KMT2E: variants seen among roughly 807,000 people sequenced by gnomAD.
The protein encoded by KMT2E is lysine methyltransferase 2E (inactive).
In KMT2E, 30 loss-of-function variants were observed where a neutral mutation model predicts 184.6. The ratio of observed to expected loss-of-function variants is 0.16; its 90% CI spans 0.12 to 0.22. The LOEUF is 0.22. KMT2E is among the 10% of genes least tolerant of loss of function. The pLI, the probability that KMT2E is intolerant of heterozygous loss-of-function variation, is 1.00. For synonymous variants in KMT2E, 815 were observed against 776.5 expected, an observed-to-expected ratio of 1.05 and a Z score of -0.82; for missense variants, 2,023 against 2,237.4, an observed-to-expected ratio of 0.90 and a Z score of 1.93.
At chr7:105,068,060 A>G (rs956474569) in intron 6 of KMT2E, among the ~76,000 whole-genome samples, 3 of 152,128 alleles carry the variant, frequency 2.0e-5, no homozygotes, top group Non-Finnish European at 4.4e-5. Context: ...ATTGGTTGAT[A>G]TTCATCTCTC....
intron 1 of KMT2E, among the ~76,000 whole-genome samples, chr7:105,036,534 G>C (rs61162632): frequency 6.6e-6 from 1 of 152,134 alleles, no homozygotes; most frequent in Non-Finnish European, 1.5e-5. Flanking sequence ...CAAGGGTTCA[G>C]ATCTTGATTT....
At chr7:105,015,678 G>GC (rs1258564587) in intron 1 of KMT2E, among the ~76,000 whole-genome samples, 1 of 152,008 alleles carries the variant, frequency 6.6e-6, no homozygotes, top group African/African-American at 2.4e-5. Flanking sequence ...AAAAATGGCG[G>GC]CCCCAGGCTG....
chr7:105,037,499 A>T (rs962667667), intron 1 of KMT2E, among the ~76,000 whole-genome samples: 2 of 151,908 alleles, frequency 1.3e-5, no homozygotes, highest in Admixed American at 6.6e-5. Flanking sequence ...AGTAACTGGG[A>T]CTACAGGTGT....
At chr7:105,092,281 A>G (rs973709579) in intron 15 of KMT2E, among the ~76,000 whole-genome samples, 1 of 152,134 alleles carries the variant, frequency 6.6e-6, no homozygotes, top group Non-Finnish European at 1.5e-5. Flanking sequence ...CCAGGCTTAT[A>G]TTCCCAGCTA....
At chr7:105,032,241 C>T (rs1175878673) in intron 1 of KMT2E, among the ~76,000 whole-genome samples, 3 of 151,242 alleles carry the variant, frequency 2.0e-5, no homozygotes, top group Admixed American at 2.0e-4. Flanking sequence ...GTCAGGAGTT[C>T]GAGACCAGCC....
At position 105,105,520 on chromosome 7, in the gene KMT2E, A is replaced by C. The variant is rs142333661; in HGVS notation, c.2278A>C (p.Ile760Leu). The C allele has an allele frequency of 5.0e-6, 8 of 1,613,892 alleles. No individual in the cohort carries two copies. The highest frequency in any genetic ancestry group is 6.8e-6 in the Non-Finnish European group (8 of 1,179,952). The change falls in exon 18 of 27, where the codon ATA becomes CTA. Residue 760 changes from isoleucine to leucine, a missense_variant. Ile to Leu is a conservative substitution (Grantham distance 5). Around this residue, in one of 8 missense-constraint regions of KMT2E, gnomAD observed 514 missense variants for 621.8 expected, o/e 0.83. Transcript: ENST00000311117. The part of the protein sequence containing the change: ...SDGLSERPLR[I>L]TTDPEVLATQ... ...TGGCCTTTCAGAAAGGCCTCTACGCATAACTACAGATCCTGAAGTGTTAGC... is the reference window on the plus strand; with the variant it reads ...TGGCCTTTCAGAAAGGCCTCTACGCCTAACTACAGATCCTGAAGTGTTAGC...
intron 3 of KMT2E, among the ~76,000 whole-genome samples, chr7:105,050,665 TTTTCTTTC>T (rs557700509): frequency 1.0e-4 from 15 of 147,516 alleles, no homozygotes; most frequent in South Asian, 4.3e-4. Flanking sequence ...TTTCTTTCTT[TTTTCTTTC>T]TTTCTTTCTT....
Position 105,076,899 on chromosome 7 carries a change from TGTGTGTGTGTGTGTGTG to T in KMT2E, c.769-63_769-47del, listed in dbSNP as rs1797550440. Reference sequence around the variant, plus strand: ...GTGTGTGTGTGTGTGTGTGTGTGTGTGTGTGTGTGTGTGTGTGTGTAAGTCCGTAAGTCCAGATACTA... The same window carrying T: ...GTGTGTGTGTGTGTGTGTGTGTGTGTTGTAAGTCCGTAAGTCCAGATACTA... On this transcript the variant is annotated intron_variant, in intron 9 of 26. Transcript: ENST00000311117. 64 of 819,220 alleles carry T rather than the reference TGTGTGTGTGTGTGTGTG, an allele frequency of 7.8e-5. 1 individual carries two copies. The South Asian group carries it at 9.1e-4, about 12-fold the overall frequency. The allele number at this position is 819,220 out of a possible 1,614,324, so 50.7% of individuals were successfully genotyped here. A position where few individuals can be genotyped will look rare whatever the true frequency, so the allele number is the denominator to read the frequency against.
intron 1 of KMT2E, among the ~76,000 whole-genome samples, chr7:105,031,201 A>T (rs762331482): frequency 2.0e-5 from 3 of 151,518 alleles, no homozygotes; most frequent in Non-Finnish European, 2.9e-5. Context: ...TACTAAAAAC[A>T]TAAAAAATTA....
intron 11 of KMT2E, 80 bp downstream of exon 11, chr7:105,077,513 T>C (rs1282891704): frequency 1.8e-6 from 2 of 1,086,282 alleles, no homozygotes; most frequent in South Asian, 1.4e-5. Flanking sequence ...ATGTTGTGAT[T>C]ATATGTACTT....
At chr7:105,109,843 C>CT (rs34727137) in intron 23 of KMT2E, among the ~76,000 whole-genome samples, 5,415 of 136,292 alleles carry the variant, frequency 0.04, 137 homozygotes, top group African/African-American at 0.063. Context: ...ATAAGATTAA[C>CT]TTTTTTTTTT....
intron 3 of KMT2E, among the ~76,000 whole-genome samples, chr7:105,059,268 T>G (rs1412670054): frequency 1.3e-5 from 2 of 152,178 alleles, no homozygotes; most frequent in African/African-American, 4.8e-5. Context: ...GTAACATGTT[T>G]TGCAGAGTTT....
rs763515639 is a variant in KMT2E at position 105,090,189 on chromosome 7, T to C, written c.1539T>C (p.Cys513=). 6 of 1,611,772 alleles carry C rather than the reference T, an allele frequency of 3.7e-6. No individual in the cohort carries two copies. The highest frequency in any genetic ancestry group is 4.2e-6 in the Non-Finnish European group (5 of 1,179,554). The part of the protein sequence containing the change: ...DTQNQNITLD[C]EGTTNKMKSP... Reference sequence around the variant, plus strand: ...AAAATCAGAATATTACTTTGGATTGTGAAGGAACGACCAACAAAATGAAGA... The same window carrying C: ...AAAATCAGAATATTACTTTGGATTGCGAAGGAACGACCAACAAAATGAAGA... The change falls in exon 14 of 27, where the codon TGT becomes TGC. Residue 513 remains cysteine (C), a synonymous_variant. Coordinates refer to ENST00000311117, the MANE Select transcript of KMT2E (RefSeq NM_182931.3).
chr7:105,113,062 C>A lies in KMT2E; in HGVS notation c.5306C>A (p.Thr1769Asn). The change falls in exon 27 of 27, where the codon ACC (threonine) becomes AAC (asparagine). Residue 1769 changes from threonine (T) to asparagine (N), a missense_variant. Thr to Asn is a moderately conservative substitution (Grantham distance 65). This residue lies in a region of KMT2E where 1,108 missense variants were observed against 1,050.9 expected (regional missense o/e 1.05). Coordinates refer to ENST00000311117, the MANE Select transcript of KMT2E (RefSeq NM_182931.3). ...PPYPSQATHH[T>N]TLGPGPQHQP... ...TATCCCTCACAAGCTACACATCATACCACTTTGGGACCGGGACCCCAGCAC... is the reference window on the plus strand; with the variant it reads ...TATCCCTCACAAGCTACACATCATAACACTTTGGGACCGGGACCCCAGCAC... The A allele has an allele frequency of 6.2e-7, 1 of 1,614,160 alleles. No individual in the cohort carries two copies. The highest frequency in any genetic ancestry group is 8.5e-7 in the Non-Finnish European group (1 of 1,180,036).
chr7:105,067,092 A>G lies in KMT2E; in HGVS notation c.497+285A>G, dbSNP rs909763600. 2.7e-5 allele frequency among the ~76,000 whole-genome samples: 4 copies of G among 149,538 alleles called. No individual in the cohort carries two copies. The South Asian group carries it at 6.3e-4, about 24-fold the overall frequency. On this transcript the variant is annotated intron_variant, in intron 6 of 26. Transcript: ENST00000311117. ...AAAAAAAAAAAAAAAAAAGAAAAAGAAAAAAGGAGAATTAATGGATCACTG... is the reference window on the plus strand; with the variant it reads ...AAAAAAAAAAAAAAAAAAGAAAAAGGAAAAAGGAGAATTAATGGATCACTG...
chr7:105,044,444 AT>A (rs1464647299), intron 3 of KMT2E, among the ~76,000 whole-genome samples: 3 of 152,278 alleles, frequency 2.0e-5, no homozygotes, highest in African/African-American at 7.2e-5. Context: ...GAGTTAGTTT[AT>A]TTTACAGATA....
intron 1 of KMT2E, among the ~76,000 whole-genome samples, chr7:105,025,546 G>A (rs10245796): frequency 0.19 from 28,632 of 152,014 alleles, 3,449 homozygotes; most frequent in East Asian, 0.58. Context: ...CCAATGTGCA[G>A]GATTAATAAT....
At position 105,109,006 on chromosome 7, in the gene KMT2E, A is replaced by G; in HGVS notation, c.3533A>G (p.Asn1178Ser). Residue 1178 changes from asparagine (N) to serine (S), a missense_variant, in exon 23 of 27, where the codon AAC (asparagine) becomes AGC (serine). Transcript: ENST00000311117. ...EARKSGSKTE[N>S]FPLISVSPHA... ...AGGAAAAGTGGCTCTAAGACAGAGA[A>G]CTTTCCACTCATTAGTGTATCACCC... 6.2e-7 allele frequency: 1 copy of G among 1,614,184 alleles called. No individual in the cohort carries two copies. The highest frequency in any genetic ancestry group is 8.5e-7 in the Non-Finnish European group (1 of 1,180,006).
At chr7:105,102,712 A>G (rs1798707243) in intron 17 of KMT2E, 2 of 153,912 alleles carry the variant, frequency 1.3e-5, no homozygotes, top group Admixed American at 6.5e-5. Flanking sequence ...ATAACAGAAC[A>G]TCCTAATGAA....
Sources: allele counts gnomAD v4.1 joint callset (sites outside exome capture counted in the v4.1 genomes callset), GRCh38; gene constraint gnomAD v4.1.1; regional missense constraint gnomAD v4.1.1; transcripts MANE v1.5; gene names NCBI Gene and HGNC (gene_info 2026-07-23, HGNC 2026-07-21).